PDE4B: variants seen among roughly 807,000 people sequenced by gnomAD.
The protein encoded by PDE4B is phosphodiesterase 4B, also known as 3',5'-cyclic-AMP phosphodiesterase 4B.
In PDE4B, 20 loss-of-function variants were observed where a neutral mutation model predicts 82.2. The ratio of observed to expected loss-of-function variants is 0.24; its 90% CI spans 0.17 to 0.35. PDE4B has a LOEUF of 0.35. Ranked by LOEUF, PDE4B falls within the 10% of genes least tolerant of loss-of-function variation. The pLI is 1.00. For missense variants in PDE4B, 655 were observed against 907.2 expected (o/e 0.72, Z 3.57); for synonymous variants, 320 against 318.9 (o/e 1.00, Z -0.04).
At chr1:66,198,524 TG>T (rs1327999655) in intron 3 of PDE4B, among the ~76,000 whole-genome samples, 1 of 152,140 alleles carries the variant, frequency 6.6e-6, no homozygotes, top group East Asian at 1.9e-4. Flanking sequence ...GAAATACATG[TG>T]TTTCCAAAGC....
chr1:66,259,486 C>T (rs1025938409), intron 6 of PDE4B, among the ~76,000 whole-genome samples: 3 of 152,174 alleles, frequency 2.0e-5, no homozygotes, highest in African/African-American at 7.2e-5. Flanking sequence ...TCTGTTTCCA[C>T]TTGCCAGTGT....
intron 6 of PDE4B, among the ~76,000 whole-genome samples, chr1:66,259,296 A>G (rs184170895): frequency 2.6e-5 from 4 of 152,202 alleles, no homozygotes; most frequent in African/African-American, 4.8e-5. Flanking sequence ...ACCAGAGCAG[A>G]CAAGTCCTCT....
chr1:66,223,232 C>T (rs1557644063), intron 3 of PDE4B, among the ~76,000 whole-genome samples: 2 of 152,050 alleles, frequency 1.3e-5, no homozygotes, highest in Admixed American at 1.3e-4. Flanking sequence ...CACAGGAAAA[C>T]GAGATAGAGA....
intron 3 of PDE4B, chr1:65,992,878 A>G: frequency 1.2e-6 from 2 of 1,601,830 alleles, no homozygotes; most frequent in East Asian, 2.3e-5. Context: ...TTTGTTTTGG[A>G]TGGTGAAAGC....
intron 1 of PDE4B, among the ~76,000 whole-genome samples, chr1:65,894,067 G>T (rs201431560): frequency 2.0e-5 from 3 of 151,720 alleles, no homozygotes; most frequent in Non-Finnish European, 4.4e-5. Flanking sequence ...GGTGATGGGC[G>T]CACTAAAATC....
At chr1:65,901,816 T>C (rs992501089) in intron 1 of PDE4B, among the ~76,000 whole-genome samples, 1 of 152,102 alleles carries the variant, frequency 6.6e-6, no homozygotes, top group Admixed American at 6.6e-5. Flanking sequence ...ATTTGAGTTA[T>C]GTTTTTTCTT....
chr1:66,313,907 G>C (rs1307822572), intron 7 of PDE4B, among the ~76,000 whole-genome samples: 1 of 152,048 alleles, frequency 6.6e-6, no homozygotes, highest in East Asian at 1.9e-4. Context: ...TTGCAACCAC[G>C]TGGGAGTCAA....
At chr1:66,079,272 C>T (rs570372129) in intron 3 of PDE4B, among the ~76,000 whole-genome samples, 2 of 151,416 alleles carry the variant, frequency 1.3e-5, no homozygotes, top group East Asian at 3.9e-4. Flanking sequence ...GGGGAGTGGA[C>T]AAGTATTTCT....
intron 3 of PDE4B, among the ~76,000 whole-genome samples, chr1:66,198,372 A>G (rs1648519072): frequency 6.6e-6 from 1 of 152,166 alleles, no homozygotes; most frequent in Non-Finnish European, 1.5e-5. Context: ...CATAACCATC[A>G]TGGAAAATTT....
intron 9 of PDE4B, 94 bp downstream of exon 9, chr1:66,355,714 A>T (rs552596982): frequency 3.0e-6 from 2 of 665,528 alleles, no homozygotes; most frequent in South Asian, 2.2e-5. Context: ...TGAATTTGGG[A>T]TGGAGTTGAG....
intron 7 of PDE4B, among the ~76,000 whole-genome samples, chr1:66,323,563 C>A (rs1480162334): frequency 2.6e-5 from 4 of 152,138 alleles, no homozygotes; most frequent in Non-Finnish European, 5.9e-5. Context: ...AAATTTTACT[C>A]ATTAATTATT....
chr1:66,189,829 C>T (rs543425619), intron 3 of PDE4B, among the ~76,000 whole-genome samples: 1 of 152,334 alleles, frequency 6.6e-6, no homozygotes, highest in Non-Finnish European at 1.5e-5. Flanking sequence ...CTTCTTCTCT[C>T]AACTCATCAA....
chr1:66,050,307 G>A (rs929843807), intron 3 of PDE4B, among the ~76,000 whole-genome samples: 6 of 152,020 alleles, frequency 3.9e-5, no homozygotes, highest in African/African-American at 7.2e-5. Flanking sequence ...AGGAGGCTCT[G>A]TGCAGTATTG....
chr1:66,305,918 C>T (rs17128782), intron 7 of PDE4B, among the ~76,000 whole-genome samples: 5,534 of 152,156 alleles, frequency 0.036, 119 homozygotes, highest in Middle Eastern at 0.068. Flanking sequence ...GCAGACATAA[C>T]TCATTTAAAA....
chr1:66,059,727 G>A (rs1480255163), intron 3 of PDE4B, among the ~76,000 whole-genome samples: 1 of 152,122 alleles, frequency 6.6e-6, no homozygotes, highest in East Asian at 1.9e-4. Context: ...CCCCTAACAT[G>A]TGGGAATTAT....
intron 3 of PDE4B, among the ~76,000 whole-genome samples, chr1:66,114,216 C>T (rs1645546221): frequency 6.6e-6 from 1 of 152,142 alleles, no homozygotes; most frequent in Non-Finnish European, 1.5e-5. Context: ...AATTAGCCAG[C>T]ACCTTGATCT....
At chr1:66,022,125 A>G (rs1486248379) in intron 3 of PDE4B, among the ~76,000 whole-genome samples, 2 of 152,162 alleles carry the variant, frequency 1.3e-5, no homozygotes, top group Non-Finnish European at 2.9e-5. Context: ...TTATTGGTGT[A>G]TAGGAATGCT....
At position 66,229,424 on chromosome 1, in the gene PDE4B, G is replaced by A. The variant is rs1313721804; in HGVS notation, c.282-18036G>A. Among the ~76,000 whole-genome samples, 4 of 152,300 alleles carry A rather than the reference G, an allele frequency of 2.6e-5. No individual in the cohort carries two copies. The East Asian group carries it at 7.7e-4, about 29-fold the overall frequency. ...GAGCCTTTAAGGCAGCCACTTCAGT[G>A]TTTGCCATCCACAATTTTGTTCGTT... On this transcript the variant is annotated intron_variant, in intron 3 of 16. Transcript: ENST00000341517.
intron 3 of PDE4B, among the ~76,000 whole-genome samples, chr1:66,028,023 C>A (rs544055612): frequency 6.6e-6 from 1 of 152,190 alleles, no homozygotes; most frequent in Non-Finnish European, 1.5e-5. Context: ...TAGACAGTGC[C>A]CCAGTAGGGA....
Sources: allele counts gnomAD v4.1 joint callset (sites outside exome capture counted in the v4.1 genomes callset), GRCh38; gene constraint gnomAD v4.1.1; transcripts MANE v1.5; gene names NCBI Gene and HGNC (gene_info 2026-07-23, HGNC 2026-07-21).